The following TF variants were observed in gnomAD, a reference collection of about 807,000 sequenced individuals.
TF encodes transferrin, also known as serotransferrin.
TF carries 55 observed loss-of-function variants against 82.4 expected under a neutral mutation model. The ratio of observed to expected loss-of-function variants is 0.67; its 90% CI spans 0.54 to 0.84. The LOEUF (loss-of-function observed/expected upper bound fraction) is 0.84. Among genes scored for constraint, TF ranks in the 40% least tolerant of loss-of-function variants. The pLI, the probability that TF is intolerant of heterozygous loss-of-function variation, is 0.00. For missense variants in TF, 737 were observed against 868.4 expected (o/e 0.85, Z 1.90); for synonymous variants, 332 against 332.6 (o/e 1.00, Z 0.02).
chr3:133,754,067 C>A, intron 3 of TF: 1 of 435,826 alleles, frequency 2.3e-6, no homozygotes, highest in East Asian at 4.9e-5. Context: ...CACTCTGGAG[C>A]ACACACTCAG....
chr3:133,745,986 G>A (rs1426450668), upstream of TF: 1 of 245,206 alleles, frequency 4.1e-6, no homozygotes, highest in Admixed American at 4.8e-5. Context: ...CAGTTCTAGT[G>A]TGGGGTCTGG....
chr3:133,713,162 T>C, the TF span, among the ~76,000 whole-genome samples: 8 of 152,232 alleles, frequency 5.3e-5, no homozygotes, highest in Admixed American at 4.6e-4. Context: ...ACCAGACACC[T>C]CACTTCTTAC....
chr3:133,734,803 TA>T, the TF span, among the ~76,000 whole-genome samples: 133,247 of 145,184 alleles, frequency 0.92, 61,289 homozygotes, highest in East Asian at 0.98. Flanking sequence ...GAGAGTTTCT[TA>T]AAAAAAAAAA....
chr3:133,795,077 T>A lies in TF; in HGVS notation c.*16457T>A, dbSNP rs919857039. ...AAGAAAGTTATGCTAAATAATAGAGTTGGCTAAACAGAAGAGTATCTGTGC... is the reference window on the plus strand; with the variant it reads ...AAGAAAGTTATGCTAAATAATAGAGATGGCTAAACAGAAGAGTATCTGTGC... On this transcript the variant is annotated 3_prime_UTR_variant, in exon 17 of 17. Transcript: ENST00000402696. 1 of 152,110 alleles carries A rather than the reference T, an allele frequency of 6.6e-6. No homozygotes were observed. Among genetic ancestry groups the A allele is most frequent in the Non-Finnish European group, 1.5e-5 (1 of 68,022 alleles). 9.4% of individuals were successfully genotyped at this position (152,110 alleles called of 1,614,324 possible).
At chr3:133,728,579 C>G in the TF span, among the ~76,000 whole-genome samples, 1 of 152,190 alleles carries the variant, frequency 6.6e-6, no homozygotes, top group Admixed American at 6.5e-5. Flanking sequence ...AAGTTTATAA[C>G]TTCTTTGCCT....
the TF span, among the ~76,000 whole-genome samples, chr3:133,725,488 A>T: frequency 1.3e-4 from 20 of 152,100 alleles, no homozygotes; most frequent in Admixed American, 1.3e-3. Context: ...AATGCTTGTG[A>T]TTTTTGTACA....
the TF span, among the ~76,000 whole-genome samples, chr3:133,670,436 G>T: frequency 3.3e-5 from 5 of 152,180 alleles, no homozygotes; most frequent in Non-Finnish European, 5.9e-5. Context: ...GCACAGAAAT[G>T]ACTTTAGCAC....
the TF span, among the ~76,000 whole-genome samples, chr3:133,736,002 C>T: frequency 1.1e-4 from 16 of 152,098 alleles, no homozygotes; most frequent in Non-Finnish European, 2.2e-4. Context: ...GCCACATAAT[C>T]GTCAGATTCA....
intron 8 of TF, among the ~76,000 whole-genome samples, 183 bp from the exon 9 acceptor site, chr3:133,758,992 T>C (rs1482654397): frequency 6.6e-6 from 1 of 152,182 alleles, no homozygotes; most frequent in Non-Finnish European, 1.5e-5. Flanking sequence ...TAAATTTAAA[T>C]GAGAAGTCAA....
At chr3:133,718,566 A>T in the TF span, among the ~76,000 whole-genome samples, 3 of 152,184 alleles carry the variant, frequency 2.0e-5, no homozygotes, top group Non-Finnish European at 4.4e-5. Context: ...TGTTTGCTCT[A>T]CAGAGCAGGG....
intron 2 of TF, among the ~76,000 whole-genome samples, chr3:133,751,829 T>TA (rs1933680210): frequency 6.6e-6 from 1 of 151,176 alleles, no homozygotes; most frequent in South Asian, 2.1e-4. Flanking sequence ...CCATCTCTAC[T>TA]AAAAAAAATA....
At chr3:133,724,549 A>G in the TF span, among the ~76,000 whole-genome samples, 1 of 152,016 alleles carries the variant, frequency 6.6e-6, no homozygotes, top group South Asian at 2.1e-4. Flanking sequence ...TAGATTCTGG[A>G]TATTAGCCCT....
the TF span, among the ~76,000 whole-genome samples, chr3:133,692,604 A>G: frequency 6.6e-6 from 1 of 152,054 alleles, no homozygotes; most frequent in Non-Finnish European, 1.5e-5. Flanking sequence ...TTGAAAAGGG[A>G]TGGTGTTCTC....
chr3:133,681,045 A>T, the TF span, among the ~76,000 whole-genome samples: 2 of 152,248 alleles, frequency 1.3e-5, no homozygotes, highest in African/African-American at 4.8e-5. Context: ...TCATTTAAAT[A>T]ACGTTTTGCC....
the TF span, among the ~76,000 whole-genome samples, chr3:133,694,042 G>C: frequency 6.6e-6 from 1 of 152,202 alleles, no homozygotes; most frequent in Non-Finnish European, 1.5e-5. Context: ...GGCATTGCCA[G>C]CCACCTCCAG....
chr3:133,721,477 T>C, the TF span, among the ~76,000 whole-genome samples: 1 of 152,216 alleles, frequency 6.6e-6, no homozygotes, highest in South Asian at 2.1e-4. Flanking sequence ...TCTTCTTAAA[T>C]TTGTTAAGAC....
chr3:133,665,141 C>G, the TF span: 1 of 112,056 alleles, frequency 8.9e-6, no homozygotes, highest in African/African-American at 2.8e-5. Context: ...TAGCAAGAAC[C>G]CCCATCTCTA....
chr3:133,722,458 G>A, the TF span, among the ~76,000 whole-genome samples: 1 of 151,864 alleles, frequency 6.6e-6, no homozygotes, highest in South Asian at 2.1e-4. Flanking sequence ...TTTGTTAATT[G>A]TTTTCTGGTA....
At chr3:133,749,207 A>T (rs1197875571) in intron 2 of TF, among the ~76,000 whole-genome samples, 1 of 152,196 alleles carries the variant, frequency 6.6e-6, no homozygotes, top group Non-Finnish European at 1.5e-5. Context: ...ATTATTATAT[A>T]ACCTTCTTTG....
Sources: gnomAD v4.1 joint callset for allele counts (sites outside exome capture counted in the v4.1 genomes callset) on GRCh38, gnomAD v4.1.1 for gene constraint, MANE v1.5 for transcripts, NCBI Gene and HGNC (gene_info 2026-07-23, HGNC 2026-07-21) for gene names.